Variants in PRR16 observed in about 807,000 individuals in gnomAD.
PRR16 encodes the protein proline rich 16, also known as protein Largen.
PRR16 carries 6 observed loss-of-function variants against 18.2 expected under a neutral mutation model. The observed-to-expected ratio is 0.33, with a 90% CI of 0.18 to 0.65. The LOEUF (loss-of-function observed/expected upper bound fraction) is 0.65, where lower values mean the gene tolerates loss of function less well. Among genes scored for constraint, PRR16 ranks in the 30% least tolerant of loss-of-function variants. The pLI is 0.74. For synonymous variants in PRR16, 151 were observed against 147.8 expected, an observed-to-expected ratio of 1.02 and a Z score of -0.16; for missense variants, 412 against 376.6, an observed-to-expected ratio of 1.09 and a Z score of -0.78.
chr5:120,564,762 G>A (rs560544650), intron 1 of PRR16, among the ~76,000 whole-genome samples: 14 of 152,136 alleles, frequency 9.2e-5, no homozygotes, highest in African/African-American at 1.9e-4. Context: ...TGAGTTGGGC[G>A]GATCACGAGG....
the PRR16 span, among the ~76,000 whole-genome samples, chr5:120,763,135 G>A: frequency 6.8e-6 from 1 of 146,920 alleles, no homozygotes; most frequent in Non-Finnish European, 1.5e-5. Context: ...TTTTGTCTAT[G>A]TGTCCATTTT....
At chr5:120,614,699 G>T (rs1754449065) in intron 1 of PRR16, among the ~76,000 whole-genome samples, 1 of 152,164 alleles carries the variant, frequency 6.6e-6, no homozygotes, top group African/African-American at 2.4e-5. Context: ...AGTTATGGCT[G>T]GAATGATTTG....
At position 120,474,597 on chromosome 5, in the gene PRR16, T is replaced by TA. The variant is rs1040625269; in HGVS notation, c.159+9962dup. ...TGTCTTGTATTTGCTATCTTTTTTT[T>TA]AAAAAAAAAACCCATTATCTGTATT... On this transcript the variant is annotated intron_variant, in intron 1 of 1. Coordinates refer to ENST00000407149, the MANE Select transcript of PRR16 (RefSeq NM_001300783.2). Among the ~76,000 whole-genome samples the TA allele has an allele frequency of 1.0e-3, 142 of 138,346 alleles. 1 individual carries two copies. The highest frequency in any genetic ancestry group is 7.1e-3 in the East Asian group (36 of 5,078). The allele number at this position is 138,346 out of a possible 152,430, so 90.8% of individuals were successfully genotyped here. A position where few individuals can be genotyped will look rare whatever the true frequency, so the allele number is the denominator to read the frequency against.
At chr5:120,513,587 G>A (rs530418491) in intron 1 of PRR16, among the ~76,000 whole-genome samples, 3 of 151,726 alleles carry the variant, frequency 2.0e-5, no homozygotes, top group South Asian at 2.1e-4. Flanking sequence ...TCAGACATTC[G>A]TTACCCACCT....
chr5:120,662,032 A>G (rs1312411692), intron 1 of PRR16, among the ~76,000 whole-genome samples: 2 of 152,032 alleles, frequency 1.3e-5, no homozygotes, highest in African/African-American at 4.8e-5. Context: ...GGGGTGGAAA[A>G]TGGAGTGTAA....
chr5:120,665,412 G>C (rs1340239908), intron 1 of PRR16, among the ~76,000 whole-genome samples: 1 of 151,936 alleles, frequency 6.6e-6, no homozygotes, highest in Non-Finnish European at 1.5e-5. Context: ...TAGGTTGCCT[G>C]TTCACTCTGA....
chr5:120,484,399 A>C (rs1749721317), intron 1 of PRR16, among the ~76,000 whole-genome samples: 2 of 146,062 alleles, frequency 1.4e-5, no homozygotes, highest in South Asian at 4.2e-4. Context: ...TTTATAATAT[A>C]TAAGAATATA....
intron 1 of PRR16, among the ~76,000 whole-genome samples, chr5:120,499,204 G>A (rs1006032833): frequency 3.3e-5 from 5 of 151,628 alleles, no homozygotes; most frequent in African/African-American, 1.2e-4. Flanking sequence ...CTGCCTACCG[G>A]GTTCCAGCGA....
the PRR16 span, among the ~76,000 whole-genome samples, chr5:120,780,701 A>T: frequency 2.0e-5 from 3 of 152,106 alleles, no homozygotes; most frequent in Non-Finnish European, 2.9e-5. Context: ...TTGTATAAGG[A>T]TATTATCAGT....
chr5:120,778,900 A>G, the PRR16 span, among the ~76,000 whole-genome samples: 3 of 152,132 alleles, frequency 2.0e-5, no homozygotes, highest in African/African-American at 4.8e-5. Flanking sequence ...TTAGAGAGGG[A>G]AGTATTGTTA....
chr5:120,612,017 C>T (rs116590014), intron 1 of PRR16, among the ~76,000 whole-genome samples: 32,620 of 152,142 alleles, frequency 0.21, 4,238 homozygotes, highest in Middle Eastern at 0.37. Context: ...TCAGCGTGAC[C>T]TTGATGTGAG....
chr5:120,597,595 A>G (rs969002512), intron 1 of PRR16, among the ~76,000 whole-genome samples: 1 of 151,802 alleles, frequency 6.6e-6, no homozygotes, highest in Non-Finnish European at 1.5e-5. Flanking sequence ...GATTTATTAC[A>G]TCAGGTCCCT....
chr5:120,501,216 T>C (rs1169734624), intron 1 of PRR16, among the ~76,000 whole-genome samples: 2 of 152,198 alleles, frequency 1.3e-5, no homozygotes, highest in Non-Finnish European at 2.9e-5. Context: ...TGGGCTTAAC[T>C]CTTTGTAGGT....
At chr5:120,581,835 T>C (rs929821815) in intron 1 of PRR16, among the ~76,000 whole-genome samples, 10 of 152,090 alleles carry the variant, frequency 6.6e-5, no homozygotes, top group African/African-American at 2.4e-4. Flanking sequence ...TTTGAGTGGG[T>C]TTCTTAATCT....
chr5:120,728,504 C>G, the PRR16 span, among the ~76,000 whole-genome samples: 15 of 151,966 alleles, frequency 9.9e-5, no homozygotes, highest in African/African-American at 3.6e-4. Context: ...GCAATTATAC[C>G]TGTCCAGATC....
chr5:120,485,997 G>T (rs942383408), intron 1 of PRR16, among the ~76,000 whole-genome samples: 8 of 152,156 alleles, frequency 5.3e-5, no homozygotes, highest in African/African-American at 1.2e-4. Context: ...TCTTATGGCT[G>T]CATAGTATTC....
chr5:120,745,634 G>C, the PRR16 span, among the ~76,000 whole-genome samples: 1 of 151,286 alleles, frequency 6.6e-6, no homozygotes, highest in African/African-American at 2.5e-5. Context: ...GTGGAGGGTT[G>C]TGTTTGTTGC....
chr5:120,782,005 G>GA, the PRR16 span, among the ~76,000 whole-genome samples: 3 of 42,630 alleles, frequency 7.0e-5, no homozygotes, highest in African/African-American at 4.5e-4. Flanking sequence ...ACAGTGATTT[G>GA]CATATAAATA....
chr5:120,582,588 A>G (rs1222323779), intron 1 of PRR16, among the ~76,000 whole-genome samples: 5 of 152,230 alleles, frequency 3.3e-5, no homozygotes, highest in Non-Finnish European at 7.3e-5. Flanking sequence ...AAATATAGTT[A>G]CAAATAGATA....
Sources: gnomAD v4.1 joint callset for allele counts (sites outside exome capture counted in the v4.1 genomes callset) on GRCh38, gnomAD v4.1.1 for gene constraint, MANE v1.5 for transcripts, NCBI Gene and HGNC (gene_info 2026-07-23, HGNC 2026-07-21) for gene names.